Variants in GALNT13 observed in about 807,000 individuals in gnomAD.
GALNT13 encodes the protein UDP-GalNAc:polypeptide N-acetylgalactosaminyltransferase 13.
GALNT13 carries 28 observed loss-of-function variants against 64.2 expected under a neutral mutation model. The ratio of observed to expected loss-of-function variants is 0.44; its 90% CI spans 0.32 to 0.60. GALNT13 has a LOEUF of 0.60. Ranked by LOEUF, GALNT13 falls within the 20% of genes least tolerant of loss-of-function variation. The pLI is 0.05. For synonymous variants in GALNT13, 214 were observed against 224.6 expected, an observed-to-expected ratio of 0.95 and a Z score of 0.42; for missense variants, 577 against 669.8, an observed-to-expected ratio of 0.86 and a Z score of 1.53.
At chr2:153,544,708 TATG>T in the GALNT13 span, among the ~76,000 whole-genome samples, 2 of 152,230 alleles carry the variant, frequency 1.3e-5, no homozygotes, top group Non-Finnish European at 2.9e-5. Flanking sequence ...CAATTTCTAA[TATG>T]ATACAAGAAT....
chr2:154,138,839 A>G (rs1467449334), intron 3 of GALNT13, among the ~76,000 whole-genome samples: 1 of 152,078 alleles, frequency 6.6e-6, no homozygotes, highest in Non-Finnish European at 1.5e-5. Context: ...ACTAACACCT[A>G]AAGAAAATTA....
the GALNT13 span, among the ~76,000 whole-genome samples, chr2:153,795,420 G>A: frequency 1.3e-5 from 2 of 151,948 alleles, no homozygotes; most frequent in African/African-American, 2.4e-5. Flanking sequence ...CTGAATTACC[G>A]GACCTTGGAA....
At chr2:153,543,121 T>C in the GALNT13 span, among the ~76,000 whole-genome samples, 1 of 152,158 alleles carries the variant, frequency 6.6e-6, no homozygotes, top group African/African-American at 2.4e-5. Flanking sequence ...GTAGATGAGG[T>C]TGCCCAGAAA....
At chr2:153,785,202 A>G in the GALNT13 span, among the ~76,000 whole-genome samples, 1 of 152,260 alleles carries the variant, frequency 6.6e-6, no homozygotes, top group South Asian at 2.1e-4. Context: ...GTGGACCCTC[A>G]GCACAGCACA....
At chr2:153,960,051 T>A (rs1042915276) in intron 3 of GALNT13, among the ~76,000 whole-genome samples, 1 of 152,212 alleles carries the variant, frequency 6.6e-6, no homozygotes, top group African/African-American at 2.4e-5. Context: ...CTATGGCTGC[T>A]TGTTCATCTG....
At chr2:153,847,286 C>T in the GALNT13 span, among the ~76,000 whole-genome samples, 2 of 151,890 alleles carry the variant, frequency 1.3e-5, no homozygotes, top group African/African-American at 2.4e-5. Flanking sequence ...GACAAAACTA[C>T]GGGCAGTAAT....
chr2:153,899,943 T>A (rs1028974272), intron 1 of GALNT13, among the ~76,000 whole-genome samples: 18 of 143,580 alleles, frequency 1.3e-4, no homozygotes, highest in African/African-American at 4.0e-4. Flanking sequence ...ATATTTTTTT[T>A]TTTTTTTTTT....
chr2:154,223,361 G>A (rs1007913263), intron 4 of GALNT13, among the ~76,000 whole-genome samples: 1 of 151,266 alleles, frequency 6.6e-6, no homozygotes, highest in Admixed American at 6.6e-5. Flanking sequence ...GAGTGATTAA[G>A]TTCACTATTA....
intron 3 of GALNT13, among the ~76,000 whole-genome samples, chr2:154,003,150 A>G (rs1696026064): frequency 6.6e-6 from 1 of 152,144 alleles, no homozygotes; most frequent in Non-Finnish European, 1.5e-5. Flanking sequence ...CAGAGCAGAT[A>G]CCAAGATTTT....
chr2:154,162,697 G>GTAAGA (rs1456998784), intron 4 of GALNT13, among the ~76,000 whole-genome samples: 2 of 152,172 alleles, frequency 1.3e-5, no homozygotes, highest in African/African-American at 4.8e-5. Context: ...GTTAAATACT[G>GTAAGA]TAAGATTTTT....
the GALNT13 span, among the ~76,000 whole-genome samples, chr2:153,333,115 C>T: frequency 6.6e-6 from 1 of 152,204 alleles, no homozygotes; most frequent in African/African-American, 2.4e-5. Context: ...GCCTGCATGG[C>T]CATGCTGGCG....
chr2:153,151,635 A>G, the GALNT13 span, among the ~76,000 whole-genome samples: 17,656 of 152,022 alleles, frequency 0.12, 1,226 homozygotes, highest in Non-Finnish European at 0.16. Context: ...ATACACCATG[A>G]AATACTATGC....
the GALNT13 span, among the ~76,000 whole-genome samples, chr2:153,175,280 A>T: frequency 1.3e-5 from 2 of 152,126 alleles, no homozygotes; most frequent in South Asian, 4.1e-4. Flanking sequence ...TGTAGGGGAG[A>T]TTAAAACAAA....
the GALNT13 span, among the ~76,000 whole-genome samples, chr2:153,138,181 T>G: frequency 2.0e-5 from 3 of 152,082 alleles, no homozygotes; most frequent in African/African-American, 7.2e-5. Context: ...GAGCTGGAAT[T>G]CAAACTTTCA....
chr2:153,540,287 A>G, the GALNT13 span, among the ~76,000 whole-genome samples: 1 of 152,336 alleles, frequency 6.6e-6, no homozygotes, highest in Middle Eastern at 3.4e-3. Flanking sequence ...TCCATATGGT[A>G]TTGGTCCTGC....
chr2:153,731,243 C>A, the GALNT13 span, among the ~76,000 whole-genome samples: 1 of 151,720 alleles, frequency 6.6e-6, no homozygotes, highest in Non-Finnish European at 1.5e-5. Flanking sequence ...ATCCCAAATA[C>A]AATAACTCAG....
the GALNT13 span, among the ~76,000 whole-genome samples, chr2:153,398,686 T>C: frequency 1.3e-5 from 2 of 152,198 alleles, no homozygotes; most frequent in East Asian, 1.9e-4. Flanking sequence ...ATGATGAGCA[T>C]TTTTTCATGT....
chr2:154,016,931 A>G (rs755555000), intron 3 of GALNT13, among the ~76,000 whole-genome samples: 2 of 152,196 alleles, frequency 1.3e-5, no homozygotes, highest in Non-Finnish European at 2.9e-5. Flanking sequence ...GAAATGAAGA[A>G]TGTGGAATTA....
At chr2:153,948,682 G>A (rs1691948507) in intron 3 of GALNT13, among the ~76,000 whole-genome samples, 1 of 152,084 alleles carries the variant, frequency 6.6e-6, no homozygotes, top group Non-Finnish European at 1.5e-5. Flanking sequence ...CCATAAAAAA[G>A]AATGAGATCA....
Sources: allele counts gnomAD v4.1 joint callset (sites outside exome capture counted in the v4.1 genomes callset), GRCh38; gene constraint gnomAD v4.1.1; transcripts MANE v1.5; gene names NCBI Gene and HGNC (gene_info 2026-07-23, HGNC 2026-07-21).